Variants in TBC1D5 observed in about 807,000 individuals in gnomAD.
TBC1D5 encodes TBC1 domain family, member 5.
TBC1D5 carries 75 observed loss-of-function variants against 100.3 expected under a neutral mutation model. The observed-to-expected ratio is 0.75, with a 90% CI of 0.62 to 0.91. TBC1D5 has a LOEUF of 0.91. TBC1D5 is among the 40% of genes least tolerant of loss of function. The pLI, the probability that TBC1D5 is intolerant of heterozygous loss-of-function variation, is 0.00. For synonymous variants in TBC1D5, 323 were observed against 325.6 expected, an observed-to-expected ratio of 0.99 and a Z score of 0.09; for missense variants, 910 against 942.4, an observed-to-expected ratio of 0.97 and a Z score of 0.45.
At chr3:17,191,257 C>A (rs1251583995) in intron 18 of TBC1D5, among the ~76,000 whole-genome samples, 4 of 152,110 alleles carry the variant, frequency 2.6e-5, no homozygotes, top group Admixed American at 2.6e-4. Flanking sequence ...GTTCTTTGAG[C>A]CTCAGTTTCC....
chr3:17,379,007 A>G (rs2092822167), intron 9 of TBC1D5, among the ~76,000 whole-genome samples: 3 of 151,858 alleles, frequency 2.0e-5, no homozygotes, highest in Admixed American at 6.6e-5. Flanking sequence ...ACTGTGAAAT[A>G]CATTGGTTTG....
intron 2 of TBC1D5, among the ~76,000 whole-genome samples, chr3:17,528,281 C>T (rs1320902396): frequency 1.3e-5 from 2 of 152,208 alleles, no homozygotes; most frequent in East Asian, 3.9e-4. Context: ...GCCATCAGGA[C>T]TTCACCCTAA....
chr3:17,687,547 A>C (rs1395555990), intron 1 of TBC1D5, among the ~76,000 whole-genome samples: 2 of 152,132 alleles, frequency 1.3e-5, no homozygotes, highest in Non-Finnish European at 2.9e-5. Flanking sequence ...TCCCATGTAA[A>C]TGTCCAGAAG....
At chr3:17,570,092 T>C (rs1400073663) in intron 2 of TBC1D5, among the ~76,000 whole-genome samples, 1 of 152,012 alleles carries the variant, frequency 6.6e-6, no homozygotes. Context: ...GCTGTGACTC[T>C]CAGAGACTTA....
intron 16 of TBC1D5, among the ~76,000 whole-genome samples, chr3:17,238,991 G>A (rs1216723076): frequency 6.6e-6 from 1 of 152,230 alleles, no homozygotes; most frequent in Non-Finnish European, 1.5e-5. Context: ...CTACCCCAGT[G>A]CTCCATATCC....
chr3:17,355,067 A>G (rs779324667), intron 13 of TBC1D5, among the ~76,000 whole-genome samples: 13 of 152,134 alleles, frequency 8.5e-5, no homozygotes, highest in Non-Finnish European at 1.5e-4. Context: ...TGCAATCCAA[A>G]GGATGGGATC....
intron 17 of TBC1D5, among the ~76,000 whole-genome samples, chr3:17,231,230 G>A (rs779529645): frequency 2.0e-5 from 3 of 151,982 alleles, no homozygotes; most frequent in South Asian, 2.1e-4. Context: ...AAAGGTTTCC[G>A]GGGGTAAGTA....
intron 1 of TBC1D5, among the ~76,000 whole-genome samples, chr3:17,674,462 G>A (rs1039755262): frequency 1.3e-5 from 2 of 152,114 alleles, no homozygotes; most frequent in African/African-American, 2.4e-5. Flanking sequence ...TATCTTAAAT[G>A]AGAAATGATA....
At chr3:17,452,104 G>C (rs2094942048) in intron 3 of TBC1D5, among the ~76,000 whole-genome samples, 2 of 151,976 alleles carry the variant, frequency 1.3e-5, no homozygotes, top group African/African-American at 4.8e-5. Context: ...TTAAAGTAAT[G>C]AGTTATAAGA....
chr3:17,344,194 A>C (rs1268001131), intron 13 of TBC1D5, among the ~76,000 whole-genome samples: 1 of 152,088 alleles, frequency 6.6e-6, no homozygotes, highest in Non-Finnish European at 1.5e-5. Context: ...AATCTCCTTA[A>C]GCTGATAAGC....
At chr3:17,474,091 A>C (rs1321291841) in intron 3 of TBC1D5, among the ~76,000 whole-genome samples, 1 of 152,164 alleles carries the variant, frequency 6.6e-6, no homozygotes, top group East Asian at 1.9e-4. Flanking sequence ...CATAAAATTA[A>C]GAGAGATGCA....
intron 3 of TBC1D5, among the ~76,000 whole-genome samples, chr3:17,495,628 G>C (rs1293093136): frequency 6.6e-6 from 1 of 152,172 alleles, no homozygotes; most frequent in Admixed American, 6.5e-5. Context: ...CAACAGAGTA[G>C]GCCAGATAGA....
At chr3:17,668,499 T>C (rs2067536255) in intron 1 of TBC1D5, among the ~76,000 whole-genome samples, 1 of 152,118 alleles carries the variant, frequency 6.6e-6, no homozygotes. Flanking sequence ...TAAACAATTA[T>C]GTTTCATTTA....
intron 2 of TBC1D5, among the ~76,000 whole-genome samples, chr3:17,619,210 A>T (rs1229391800): frequency 6.6e-6 from 1 of 152,264 alleles, no homozygotes; most frequent in Non-Finnish European, 1.5e-5. Context: ...ACATCTCAAC[A>T]TCAATAGGTC....
intron 15 of TBC1D5, among the ~76,000 whole-genome samples, chr3:17,260,404 T>C (rs2078168667): frequency 6.6e-6 from 1 of 152,190 alleles, no homozygotes; most frequent in African/African-American, 2.4e-5. Flanking sequence ...CTGATCTATC[T>C]AAGCACTTAA....
intron 13 of TBC1D5, among the ~76,000 whole-genome samples, chr3:17,337,123 G>GTTTTTTTTT (rs11328091): frequency 3.4e-5 from 4 of 116,130 alleles, no homozygotes; most frequent in Admixed American, 2.7e-4. Context: ...TATCTGAGAG[G>GTTTTTTTTT]TTTTTTTTTT....
At chr3:17,396,975 G>A (rs1210153438) in intron 8 of TBC1D5, among the ~76,000 whole-genome samples, 1 of 152,164 alleles carries the variant, frequency 6.6e-6, no homozygotes, top group Admixed American at 6.5e-5. Context: ...AAGAATGGAA[G>A]TATCCTCTGT....
At chr3:17,374,443 C>T (rs759113476) in intron 12 of TBC1D5, 28 bp downstream of exon 12, 6 of 1,595,536 alleles carry the variant, frequency 3.8e-6, no homozygotes, top group Non-Finnish European at 5.1e-6. Context: ...ATAGCATATA[C>T]TGAAAAGATC....
At chr3:17,384,939 T>A (rs2093091984) in intron 8 of TBC1D5, among the ~76,000 whole-genome samples, 1 of 152,028 alleles carries the variant, frequency 6.6e-6, no homozygotes, top group Admixed American at 6.6e-5. Context: ...AAGAAAACAG[T>A]ATTTTAATTT....
Sources: gnomAD v4.1 joint callset for allele counts (sites outside exome capture counted in the v4.1 genomes callset) on GRCh38, gnomAD v4.1.1 for gene constraint, MANE v1.5 for transcripts, NCBI Gene and HGNC (gene_info 2026-07-23, HGNC 2026-07-21) for gene names.